The following LRRK1 variants were observed in gnomAD, a reference collection of about 807,000 sequenced individuals.
LRRK1 encodes the protein leucine rich repeat kinase 1, also known as leucine-rich repeat serine/threonine-protein kinase 1.
Under a neutral mutation model 209.1 loss-of-function variants are expected in LRRK1, and 113 were observed. That is an observed-to-expected ratio of 0.54 (90% CI 0.46 to 0.63). The LOEUF is 0.63. Ranked by LOEUF, LRRK1 falls within the 30% of genes least tolerant of loss-of-function variation. LRRK1 has a pLI of 0.00. For synonymous variants in LRRK1, 1,144 were observed against 1,099.7 expected (o/e 1.04, Z -0.80); for missense variants, 2,284 against 2,632.2 (o/e 0.87, Z 2.89).
chr15:100,945,489 T>TTG (rs2042521639), intron 2 of LRRK1, among the ~76,000 whole-genome samples: 2 of 92,264 alleles, frequency 2.2e-5, no homozygotes, highest in Non-Finnish European at 4.9e-5. Flanking sequence ...CCTCTTTTTT[T>TTG]TTTTTTTTTT....
chr15:100,970,109 C>G (rs541879531), intron 2 of LRRK1, among the ~76,000 whole-genome samples: 113 of 152,268 alleles, frequency 7.4e-4, no homozygotes, highest in Non-Finnish European at 1.3e-3. Context: ...TGGCTGGTCT[C>G]GTACTCCTGG....
Position 101,066,085 on chromosome 15 carries a change from C to A in LRRK1, c.5648C>A (p.Thr1883Lys). Residue 1883 changes from threonine (T) to lysine (K), a missense_variant, in exon 32 of 34, where the codon ACG becomes AAG. By Grantham distance (78) the Thr-to-Lys change is moderately conservative. Transcript: ENST00000388948. ...TGCGAGGACTCAGACATGCTACATA[C>A]GCCCGGTGCTGCCTCCGACAGGTCT... The part of the protein sequence containing the change: ...TDCEDSDMLH[T>K]PGAASDRSEH... 6.2e-7 allele frequency: 1 copy of A among 1,614,136 alleles called. No homozygotes were observed. The highest frequency in any genetic ancestry group is 8.5e-7 in the Non-Finnish European group (1 of 1,180,046).
rs372555242 is a variant in LRRK1, at chr15:101,010,680, A to G, written c.1124A>G (p.Asn375Ser). The G allele has an allele frequency of 1.0e-4, 167 of 1,594,526 alleles. No individual in the cohort carries two copies. Among genetic ancestry groups the G allele is most frequent in the Non-Finnish European group, 1.3e-4 (155 of 1,174,656 alleles). The change falls in exon 9 of 34, where the codon AAC (asparagine) becomes AGC (serine). Residue 375 changes from asparagine (N) to serine (S), a missense_variant. Asn to Ser is a conservative substitution (Grantham distance 46). Transcript: ENST00000388948. ...EKLFEEENAT[N>S]WIGLRKLQEL... ...TCTTTTTTTTTTTTTTTAGCCACTA[A>G]CTGGATAGGTTTACGGAAGCTACAG...
intron 2 of LRRK1, among the ~76,000 whole-genome samples, chr15:100,947,170 G>C (rs897807596): frequency 2.0e-5 from 3 of 151,984 alleles, no homozygotes; most frequent in African/African-American, 7.2e-5. Context: ...TGTTGGCCAA[G>C]ATGGTCTCCA....
chr15:100,924,048 C>T (rs1387858364), intron 1 of LRRK1, among the ~76,000 whole-genome samples: 4 of 152,214 alleles, frequency 2.6e-5, no homozygotes, highest in African/African-American at 9.7e-5. Flanking sequence ...ACGTGCTCAC[C>T]TCTGGCTTCC....
chr15:100,965,906 C>A (rs563327269), intron 2 of LRRK1, among the ~76,000 whole-genome samples: 1 of 152,216 alleles, frequency 6.6e-6, no homozygotes, highest in South Asian at 2.1e-4. Context: ...TGCATTATAG[C>A]AATGTTCTAC....
At chr15:101,046,369 C>T (rs184022013) in intron 21 of LRRK1, among the ~76,000 whole-genome samples, 1 of 152,372 alleles carries the variant, frequency 6.6e-6, no homozygotes, top group Non-Finnish European at 1.5e-5. Context: ...CCTCCTTAGA[C>T]AGAACACGCC....
At chr15:101,047,873 T>G (rs1164536727) in intron 21 of LRRK1, among the ~76,000 whole-genome samples, 2 of 152,182 alleles carry the variant, frequency 1.3e-5, no homozygotes, top group Non-Finnish European at 2.9e-5. Flanking sequence ...CTCTGTGCCT[T>G]TCTCATGTAA....
chr15:100,979,205 T>G (rs550135548), intron 3 of LRRK1, among the ~76,000 whole-genome samples: 1 of 152,268 alleles, frequency 6.6e-6, no homozygotes, highest in East Asian at 1.9e-4. Context: ...TTTCAAAAAC[T>G]CTTAGAAAAT....
chr15:101,033,730 G>T (rs1283990248), intron 20 of LRRK1, among the ~76,000 whole-genome samples: 3 of 152,144 alleles, frequency 2.0e-5, no homozygotes, highest in African/African-American at 7.2e-5. Context: ...ATAGATAAGG[G>T]AATCCAGGTA....
intron 3 of LRRK1, among the ~76,000 whole-genome samples, chr15:100,978,068 A>G (rs1297704424): frequency 6.6e-6 from 1 of 152,182 alleles, no homozygotes; most frequent in Non-Finnish European, 1.5e-5. Context: ...ACTTAAAAGT[A>G]CAATACCTGA....
Position 101,008,917 on chromosome 15 carries a change from G to A in LRRK1, c.843G>A (p.Thr281=), listed in dbSNP as rs1401221834. The A allele has an allele frequency of 6.2e-6, 10 of 1,614,028 alleles. No individual in the cohort carries two copies. In the Admixed American group the frequency reaches 1.0e-4, roughly 16 times the overall value. The part of the protein sequence containing the change: ...DWLIDISCQI[T]ELDLSANCLA... ...TCATAGACATCTCCTGCCAGATCAC[G>A]GAGCTCGACCTTTCTGCCAACTGCC... The change falls in exon 7 of 34, where the codon ACG becomes ACA. Residue 281 remains threonine (T), a synonymous_variant. Transcript: ENST00000388948.
In LRRK1 at chr15:101,046,112, T is replaced by A. The variant is rs1299019662; in HGVS notation, c.3095T>A (p.Ile1032Lys). 6.2e-7 allele frequency: 1 copy of A among 1,614,256 alleles called. No homozygotes were observed. The highest frequency in any genetic ancestry group is 8.5e-7 in the Non-Finnish European group (1 of 1,180,044). ...CCCGTTGGCTTCTGGCAAAGGTTTA[T>A]AGCACGGATGCTGATCAGCCTGGCG... ...FVPVGFWQRFIARMLISLAEM... is the reference protein window; with the variant it reads ...FVPVGFWQRFKARMLISLAEM... The change falls in exon 21 of 34, where the codon ATA (isoleucine) becomes AAA (lysine). Residue 1032 changes from isoleucine (I) to lysine (K), a missense_variant. Ile to Lys is a moderately radical substitution (Grantham distance 102). Around this residue, in one of 6 missense-constraint regions of LRRK1, gnomAD observed 780 missense variants for 985.2 expected, o/e 0.79. Coordinates refer to ENST00000388948, the MANE Select transcript of LRRK1 (RefSeq NM_024652.6).
At chr15:100,972,256 C>T (rs1041126938) in intron 2 of LRRK1, among the ~76,000 whole-genome samples, 2 of 151,898 alleles carry the variant, frequency 1.3e-5, no homozygotes, top group African/African-American at 4.8e-5. Context: ...AGCCACCACA[C>T]CCAGCCTCAA....
At chr15:100,998,008 C>G (rs2032500853) in intron 6 of LRRK1, among the ~76,000 whole-genome samples, 3 of 151,974 alleles carry the variant, frequency 2.0e-5, no homozygotes, top group Non-Finnish European at 4.4e-5. Context: ...GTGAAACCCC[C>G]CCGTCTCTAC....
chr15:100,984,445 A>G (rs949317538), intron 4 of LRRK1, among the ~76,000 whole-genome samples: 8 of 152,118 alleles, frequency 5.3e-5, no homozygotes, highest in African/African-American at 1.7e-4. Context: ...TCACTGCCCT[A>G]AAAATCCTCT....
At chr15:101,009,819 C>T (rs776626041) in intron 7 of LRRK1, among the ~76,000 whole-genome samples, 34 of 152,188 alleles carry the variant, frequency 2.2e-4, no homozygotes, top group Non-Finnish European at 4.0e-4. Flanking sequence ...ACCTCCTGAC[C>T]TCATGATCCG....
chr15:100,994,240 G>C (rs1391486582), intron 6 of LRRK1, among the ~76,000 whole-genome samples: 2 of 152,206 alleles, frequency 1.3e-5, no homozygotes, highest in Non-Finnish European at 2.9e-5. Context: ...CAGTATTGAT[G>C]CTTAGACTCC....
chr15:101,042,625 C>T (rs1259214596), intron 20 of LRRK1, among the ~76,000 whole-genome samples: 1 of 152,222 alleles, frequency 6.6e-6, no homozygotes, highest in African/African-American at 2.4e-5. Context: ...TTGGGCAGCA[C>T]ACTTCTCTGC....
Sources: allele counts gnomAD v4.1 joint callset (sites outside exome capture counted in the v4.1 genomes callset), GRCh38; gene constraint gnomAD v4.1.1; regional missense constraint gnomAD v4.1.1; transcripts MANE v1.5; gene names NCBI Gene and HGNC (gene_info 2026-07-23, HGNC 2026-07-21).